Variants in NDUFAF2 observed in about 807,000 individuals in gnomAD.
NDUFAF2 encodes NADH:ubiquinone oxidoreductase complex assembly factor 2.
A neutral mutation model predicts 22.8 loss-of-function variants in NDUFAF2; 13 were observed. That is an observed-to-expected ratio of 0.57 (90% CI 0.37 to 0.91). The LOEUF (loss-of-function observed/expected upper bound fraction) is 0.91, where lower values mean the gene tolerates loss of function less well. NDUFAF2 is among the 40% of genes least tolerant of loss of function. The pLI is 0.01. For missense variants in NDUFAF2, 162 were observed against 195.2 expected (o/e 0.83, Z 1.01); for synonymous variants, 53 against 64.2 (o/e 0.83, Z 0.84).
At chr5:61,082,411 TTTTC>T (rs1323079681) in intron 2 of NDUFAF2, among the ~76,000 whole-genome samples, 1 of 152,104 alleles carries the variant, frequency 6.6e-6, no homozygotes, top group Non-Finnish European at 1.5e-5. Context: ...CACTTTACTT[TTTTC>T]TTTCTTTCTT....
chr5:60,949,896 T>G (rs1750520484), intron 1 of NDUFAF2, among the ~76,000 whole-genome samples: 2 of 152,230 alleles, frequency 1.3e-5, no homozygotes, highest in Admixed American at 6.5e-5. Flanking sequence ...TACTATTATA[T>G]TGAAGTACAA....
chr5:60,989,273 G>A (rs919176337), intron 1 of NDUFAF2, among the ~76,000 whole-genome samples: 6 of 152,126 alleles, frequency 3.9e-5, no homozygotes, highest in African/African-American at 1.4e-4. Flanking sequence ...ATGCTGGAGG[G>A]GTTATAGAGA....
intron 1 of NDUFAF2, among the ~76,000 whole-genome samples, chr5:61,059,095 G>A (rs780392926): frequency 5.3e-5 from 8 of 151,980 alleles, no homozygotes; most frequent in Admixed American, 1.3e-4. Context: ...GTAATGGAAG[G>A]GAAGTAAATG....
chr5:61,067,094 C>T (rs912924759), intron 1 of NDUFAF2, among the ~76,000 whole-genome samples: 3 of 151,812 alleles, frequency 2.0e-5, no homozygotes, highest in African/African-American at 7.3e-5. Context: ...GTTGCTCTTG[C>T]GACACACAAA....
At chr5:61,051,481 G>A (rs1273706184) in intron 1 of NDUFAF2, among the ~76,000 whole-genome samples, 1 of 152,104 alleles carries the variant, frequency 6.6e-6, no homozygotes, top group African/African-American at 2.4e-5. Flanking sequence ...GGAATGTGAG[G>A]CCATTAGGTT....
intron 3 of NDUFAF2, among the ~76,000 whole-genome samples, chr5:61,139,716 A>C (rs1741022115): frequency 1.3e-5 from 2 of 152,242 alleles, no homozygotes; most frequent in Non-Finnish European, 2.9e-5. Flanking sequence ...CTGGAGGCTG[A>C]AAGACCAGGC....
chr5:61,101,006 C>G (rs1254490281), intron 3 of NDUFAF2, among the ~76,000 whole-genome samples: 4 of 152,088 alleles, frequency 2.6e-5, no homozygotes, highest in Admixed American at 2.6e-4. Context: ...TACTAGTATC[C>G]CTGCCTCAAG....
intron 1 of NDUFAF2, among the ~76,000 whole-genome samples, chr5:61,062,408 A>G (rs746086525): frequency 7.2e-5 from 11 of 152,146 alleles, no homozygotes; most frequent in South Asian, 2.1e-4. Flanking sequence ...AATTCAATCA[A>G]TGAAATTAAA....
intron 3 of NDUFAF2, among the ~76,000 whole-genome samples, chr5:61,149,688 T>A (rs1741198578): frequency 6.6e-6 from 1 of 152,234 alleles, no homozygotes; most frequent in African/African-American, 2.4e-5. Flanking sequence ...TGAAGAAAGA[T>A]GCCCGTTCCT....
Position 60,963,171 on chromosome 5 carries a change from A to C in NDUFAF2, c.127+17789A>C, listed in dbSNP as rs1197740665. On this transcript the variant is annotated intron_variant, in intron 1 of 3. Coordinates refer to ENST00000296597, the MANE Select transcript of NDUFAF2 (RefSeq NM_174889.5). ...AGTGCTGAGATTACAGGTGTGAGCCACTGCACCCAGCCAAGATTGCCTTTT... is the reference window on the plus strand; with the variant it reads ...AGTGCTGAGATTACAGGTGTGAGCCCCTGCACCCAGCCAAGATTGCCTTTT... 4.6e-5 allele frequency among the ~76,000 whole-genome samples: 7 copies of C among 152,304 alleles called. No individual in the cohort carries two copies. The East Asian group carries it at 1.4e-3, about 30-fold the overall frequency.
chr5:60,972,794 C>CTTTTTTTTTTTTTTTTTGTTTTT (rs774157042), intron 1 of NDUFAF2, among the ~76,000 whole-genome samples: 1 of 84,868 alleles, frequency 1.2e-5, no homozygotes, highest in Non-Finnish European at 2.5e-5. Context: ...TTTTGGTTTT[C>CTTTTTTTTTTTTTTTTTGTTTTT]TTTTTTTTTT....
chr5:60,978,389 C>T (rs1181059510), intron 1 of NDUFAF2, among the ~76,000 whole-genome samples: 4 of 152,116 alleles, frequency 2.6e-5, no homozygotes, highest in African/African-American at 4.8e-5. Flanking sequence ...AACTGGCTCA[C>T]GGTTCTGCAG....
At chr5:61,053,692 C>T (rs1431839434) in intron 1 of NDUFAF2, among the ~76,000 whole-genome samples, 1 of 151,970 alleles carries the variant, frequency 6.6e-6, no homozygotes, top group African/African-American at 2.4e-5. Context: ...CCCACACAAC[C>T]CCATGGACAA....
rs1397151566 is a variant in NDUFAF2, at chr5:61,110,898, C to T, written c.258+11866C>T. Among the ~76,000 whole-genome samples, 6 of 151,868 alleles carry T rather than the reference C, an allele frequency of 4.0e-5. No homozygotes were observed. The South Asian group carries it at 6.2e-4, about 16-fold the overall frequency. Reference sequence around the variant, plus strand: ...TCCTTTTGCTTTTGTAATTCTTTAACTTTCATTGTCAGGTTAGTTGAAGTT... The same window carrying T: ...TCCTTTTGCTTTTGTAATTCTTTAATTTTCATTGTCAGGTTAGTTGAAGTT... On this transcript the variant is annotated intron_variant, in intron 3 of 3. Coordinates refer to ENST00000296597, the MANE Select transcript of NDUFAF2 (RefSeq NM_174889.5).
intron 1 of NDUFAF2, among the ~76,000 whole-genome samples, chr5:60,963,153 A>G (rs290509): frequency 0.64 from 96,589 of 151,926 alleles, 31,141 homozygotes; most frequent in East Asian, 0.94. Flanking sequence ...CAAAGTGCTG[A>G]GATTACAGGT....
At chr5:61,097,976 A>G (rs1204612812) in intron 2 of NDUFAF2, among the ~76,000 whole-genome samples, 1 of 152,174 alleles carries the variant, frequency 6.6e-6, no homozygotes, top group African/African-American at 2.4e-5. Context: ...GGCCTTCAAG[A>G]TCATATTCCC....
At chr5:61,026,128 C>T (rs921861649) in intron 1 of NDUFAF2, among the ~76,000 whole-genome samples, 1 of 151,952 alleles carries the variant, frequency 6.6e-6, no homozygotes, top group Non-Finnish European at 1.5e-5. Context: ...GGGAGAAATC[C>T]ACAGATTGTT....
At chr5:60,959,662 G>A (rs578163837) in intron 1 of NDUFAF2, among the ~76,000 whole-genome samples, 1 of 151,972 alleles carries the variant, frequency 6.6e-6, no homozygotes, top group East Asian at 1.9e-4. Context: ...ACATGCCTTC[G>A]GTTTAGTGAT....
chr5:61,000,004 A>G (rs1005536297), intron 1 of NDUFAF2, among the ~76,000 whole-genome samples: 3 of 152,120 alleles, frequency 2.0e-5, no homozygotes, highest in African/African-American at 7.2e-5. Flanking sequence ...TGGAATTTGC[A>G]TAATGACTTT....
Sources: gnomAD v4.1 joint callset for allele counts (sites outside exome capture counted in the v4.1 genomes callset) on GRCh38, gnomAD v4.1.1 for gene constraint, MANE v1.5 for transcripts, NCBI Gene and HGNC (gene_info 2026-07-23, HGNC 2026-07-21) for gene names.